The following PABPC4L variants were observed in gnomAD, a reference collection of about 807,000 sequenced individuals.
PABPC4L encodes the protein polyadenylate-binding protein 4-like.
For missense variants in PABPC4L, 452 were observed against 451.4 expected (o/e 1.00, Z -0.01); for synonymous variants, 169 against 164.1 (o/e 1.03, Z -0.23).
the PABPC4L span, among the ~76,000 whole-genome samples, chr4:134,054,377 A>C: frequency 6.7e-6 from 1 of 150,186 alleles, no homozygotes; most frequent in African/African-American, 2.4e-5. Flanking sequence ...AAATTTCAGT[A>C]TAATAGAGAT....
the PABPC4L span, among the ~76,000 whole-genome samples, chr4:134,056,815 T>C: frequency 6.6e-6 from 1 of 152,064 alleles, no homozygotes; most frequent in Non-Finnish European, 1.5e-5. Flanking sequence ...TTGGGACAAT[T>C]ACATCATTTA....
chr4:134,134,047 T>G, the PABPC4L span, among the ~76,000 whole-genome samples: 5 of 152,032 alleles, frequency 3.3e-5, no homozygotes, highest in Non-Finnish European at 7.4e-5. Flanking sequence ...TTACACATAC[T>G]CATTGATAAA....
the PABPC4L span, among the ~76,000 whole-genome samples, chr4:134,150,713 C>A: frequency 6.6e-6 from 1 of 152,106 alleles, no homozygotes; most frequent in Admixed American, 6.6e-5. Flanking sequence ...GAAACCTCCC[C>A]CACCCTTGGC....
downstream of PABPC4L, among the ~76,000 whole-genome samples, chr4:134,194,763 A>G (rs1729610708): frequency 6.6e-6 from 1 of 151,792 alleles, no homozygotes; most frequent in Non-Finnish European, 1.5e-5. Flanking sequence ...CAGTTTTAAA[A>G]GAGTTGAAAC....
At chr4:134,171,522 CTGTT>C in the PABPC4L span, among the ~76,000 whole-genome samples, 1 of 152,232 alleles carries the variant, frequency 6.6e-6, no homozygotes, top group African/African-American at 2.4e-5. Flanking sequence ...CGGATCCTAG[CTGTT>C]TGTCAGGTGC....
At chr4:134,086,839 A>G in the PABPC4L span, among the ~76,000 whole-genome samples, 3 of 149,868 alleles carry the variant, frequency 2.0e-5, no homozygotes, top group African/African-American at 7.4e-5. Flanking sequence ...TTTAGGGTAC[A>G]TGTGCACATT....
chr4:134,100,898 AATTT>A, the PABPC4L span, among the ~76,000 whole-genome samples: 2 of 151,612 alleles, frequency 1.3e-5, no homozygotes, highest in Non-Finnish European at 3.0e-5. Flanking sequence ...TTTAATGGAG[AATTT>A]ATTTATAGCC....
At chr4:133,975,260 C>T in the PABPC4L span, among the ~76,000 whole-genome samples, 2 of 152,068 alleles carry the variant, frequency 1.3e-5, no homozygotes, top group South Asian at 2.1e-4. Context: ...TTGTGTGATT[C>T]CATTTACATA....
the PABPC4L span, among the ~76,000 whole-genome samples, chr4:134,006,769 T>C: frequency 6.6e-6 from 1 of 151,934 alleles, no homozygotes; most frequent in Non-Finnish European, 1.5e-5. Context: ...ATTGCTGATA[T>C]TTTACTCATC....
chr4:134,055,554 G>A, the PABPC4L span, among the ~76,000 whole-genome samples: 1 of 151,016 alleles, frequency 6.6e-6, no homozygotes, highest in Non-Finnish European at 1.5e-5. Context: ...CACCTAGTCT[G>A]TGGTATTTTA....
At chr4:134,066,225 T>A in the PABPC4L span, among the ~76,000 whole-genome samples, 1 of 151,970 alleles carries the variant, frequency 6.6e-6, no homozygotes, top group African/African-American at 2.4e-5. Context: ...ATTTCTTTTA[T>A]CAGTGTTTTG....
the PABPC4L span, among the ~76,000 whole-genome samples, chr4:134,156,055 ATT>A: frequency 6.6e-6 from 1 of 151,986 alleles, no homozygotes; most frequent in South Asian, 2.1e-4. Context: ...CTTAAGTAAC[ATT>A]TGTAAAGTGT....
At chr4:134,102,418 G>C in the PABPC4L span, among the ~76,000 whole-genome samples, 1 of 151,432 alleles carries the variant, frequency 6.6e-6, no homozygotes, top group Non-Finnish European at 1.5e-5. Context: ...AAAAAATGTT[G>C]ATGTTCCTGA....
chr4:134,201,156 T>C lies in PABPC4L; in HGVS notation c.-137A>G, dbSNP rs1729867569. ...ACCACACAAAGGCCAAGCAATGGAG[T>C]TCAGACACGACTCCCCCAGCTCAGG... On this transcript the variant is annotated 5_prime_UTR_variant, in exon 2 of 2. Transcript: ENST00000421491. The C allele has an allele frequency of 3.2e-6, 5 of 1,548,844 alleles. No homozygotes were observed. Among genetic ancestry groups the C allele is most frequent in the Non-Finnish European group, 4.4e-6 (5 of 1,146,366 alleles).
At chr4:134,049,148 T>G in the PABPC4L span, among the ~76,000 whole-genome samples, 1 of 152,054 alleles carries the variant, frequency 6.6e-6, no homozygotes, top group Non-Finnish European at 1.5e-5. Context: ...AAGATACTTA[T>G]TAATGCTTTA....
chr4:134,111,234 AG>A, the PABPC4L span, among the ~76,000 whole-genome samples: 1 of 152,036 alleles, frequency 6.6e-6, no homozygotes, highest in Non-Finnish European at 1.5e-5. Context: ...TCTTCTTATA[AG>A]GGCATCTAAT....
At chr4:133,994,919 G>A in the PABPC4L span, among the ~76,000 whole-genome samples, 1 of 152,106 alleles carries the variant, frequency 6.6e-6, no homozygotes, top group Non-Finnish European at 1.5e-5. Context: ...ACTGTTCCCA[G>A]AGGCAGTGGG....
At chr4:133,963,280 C>T in the PABPC4L span, among the ~76,000 whole-genome samples, 2 of 152,130 alleles carry the variant, frequency 1.3e-5, no homozygotes, top group African/African-American at 4.8e-5. Flanking sequence ...TCTTGTCCAA[C>T]AGGAAAATAT....
At chr4:134,157,264 A>G in the PABPC4L span, among the ~76,000 whole-genome samples, 6 of 148,494 alleles carry the variant, frequency 4.0e-5, no homozygotes, top group African/African-American at 1.5e-4. Context: ...GAATGCTCTT[A>G]GTTTTTTTTT....
Sources: allele counts gnomAD v4.1 joint callset (sites outside exome capture counted in the v4.1 genomes callset), GRCh38; gene constraint gnomAD v4.1.1; transcripts MANE v1.5; gene names NCBI Gene and HGNC (gene_info 2026-07-23, HGNC 2026-07-21).